The following GRK3 variants were observed in gnomAD, a reference collection of about 807,000 sequenced individuals.
The protein encoded by GRK3 is adrenergic, beta, receptor kinase 2.
Under a neutral mutation model 95.7 loss-of-function variants are expected in GRK3, and 54 were observed. The ratio of observed to expected loss-of-function variants is 0.56; its 90% CI spans 0.45 to 0.71. GRK3 has a LOEUF of 0.71. GRK3 is among the 30% of genes least tolerant of loss of function. The pLI is 0.00. For synonymous variants in GRK3, 281 were observed against 290.8 expected (o/e 0.97, Z 0.34); for missense variants, 649 against 851.2 (o/e 0.76, Z 2.96).
rs372369619 is a variant in GRK3 at position 25,722,435 on chromosome 22, C to A, written c.2052C>A (p.Asn684Lys). Residue 684 changes from asparagine (N) to lysine (K), a missense_variant, in exon 21 of 21, where the codon AAC (asparagine) becomes AAA (lysine). Asn to Lys is a moderately conservative substitution (Grantham distance 94). Transcript: ENST00000324198. Reference protein sequence around the residue: ...ELPKPSLCHRNSNGL With the variant: ...ELPKPSLCHRKSNGL The stretch of plus-strand genomic sequence containing the variant: ...CAAAGCCATCCCTCTGTCACAGAAA[C>A]AGCAACGGCCTCTAGCACCCAGAAA... 40 of 1,614,110 alleles carry A rather than the reference C, an allele frequency of 2.5e-5. No individual in the cohort carries two copies. Among genetic ancestry groups the A allele is most frequent in the Non-Finnish European group, 3.4e-5 (40 of 1,180,004 alleles).
In GRK3 at chr22:25,618,864, C is replaced by T. The variant is rs150458806; in HGVS notation, c.190+14411C>T. On this transcript the variant is annotated intron_variant, in intron 2 of 20. Coordinates refer to ENST00000324198, the MANE Select transcript of GRK3 (RefSeq NM_005160.4). The stretch of plus-strand genomic sequence containing the variant: ...GCAGTTGACCACTGTCCTAAGGTAC[C>T]TCTAGGCCAAGAGCCAGCTCATCCT... Among the ~76,000 whole-genome samples the T allele has an allele frequency of 6.3e-4, 96 of 152,164 alleles. 1 individual carries two copies. Among genetic ancestry groups the T allele is most frequent in the Admixed American group, 1.8e-3 (28 of 15,278 alleles).
intron 2 of GRK3, among the ~76,000 whole-genome samples, chr22:25,616,256 G>A (rs1227931083): frequency 1.3e-5 from 2 of 152,156 alleles, no homozygotes; most frequent in Admixed American, 1.3e-4. Flanking sequence ...AAGAAAAGAG[G>A]TTTAATTGAC....
At chr22:25,639,251 G>A (rs949952975) in intron 2 of GRK3, among the ~76,000 whole-genome samples, 13 of 152,060 alleles carry the variant, frequency 8.5e-5, no homozygotes, top group African/African-American at 3.1e-4. Flanking sequence ...CCCTGCCTAA[G>A]AAATCTTTTG....
chr22:25,632,832 C>G (rs79795779), intron 2 of GRK3, among the ~76,000 whole-genome samples: 2,163 of 151,646 alleles, frequency 0.014, 50 homozygotes, highest in African/African-American at 0.048. Context: ...GGACTGTATT[C>G]TTTTTCATTG....
chr22:25,622,968 G>C (rs796530989), intron 2 of GRK3, among the ~76,000 whole-genome samples: 6 of 152,212 alleles, frequency 3.9e-5, no homozygotes, highest in African/African-American at 1.4e-4. Flanking sequence ...TTGAGATAGG[G>C]TCTCACTCTG....
In GRK3 at chr22:25,728,148, A is replaced by G. The variant is rs2085489091; in HGVS notation, c.*5698A>G. ...GGCAGTCCTTCCTGTTCTTAATACA[A>G]TAAAATTGAAATAATGCACCTAGTA... On this transcript the variant is annotated 3_prime_UTR_variant, in exon 21 of 21. Transcript: ENST00000324198. 1 of 152,228 alleles carries G rather than the reference A, an allele frequency of 6.6e-6. No individual in the cohort carries two copies. Among genetic ancestry groups the G allele is most frequent in the African/African-American group, 2.4e-5 (1 of 41,448 alleles). 9.4% of individuals were successfully genotyped at this position (152,228 alleles called of 1,614,324 possible).
At position 25,674,674 on chromosome 22, in the gene GRK3, G is replaced by A. The variant is rs1318219257; in HGVS notation, c.647+146G>A. On this transcript the variant is annotated intron_variant, in intron 8 of 20. Transcript: ENST00000324198. ...CCAAAAGAAATAAGCTGTAGGCCGG[G>A]CGTGGTGGCTCACGCCTGTAACCCC... 2.4e-5 allele frequency: 16 copies of A among 668,250 alleles called. No individual in the cohort carries two copies. The East Asian group carries it at 4.2e-4, about 18-fold the overall frequency. 41.4% of individuals were successfully genotyped at this position (668,250 alleles called of 1,614,324 possible). A position where few individuals can be genotyped will look rare whatever the true frequency, so the allele number is the denominator to read the frequency against.
chr22:25,714,856 G>A (rs1281201583), intron 18 of GRK3, among the ~76,000 whole-genome samples: 1 of 152,124 alleles, frequency 6.6e-6, no homozygotes, highest in Non-Finnish European at 1.5e-5. Flanking sequence ...CTTCCAGATT[G>A]AGTATGACAG....
intron 2 of GRK3, among the ~76,000 whole-genome samples, chr22:25,608,469 G>A (rs1024303238): frequency 3.3e-5 from 5 of 152,170 alleles, no homozygotes; most frequent in African/African-American, 4.8e-5. Flanking sequence ...ATGATTGTCC[G>A]AGTGGGCTTA....
chr22:25,565,145 G>A lies in GRK3; in HGVS notation c.105G>A (p.Pro35=), dbSNP rs755120652. 3 of 1,520,760 alleles carry A rather than the reference G, an allele frequency of 2.0e-6. No individual in the cohort carries two copies. The highest frequency in any genetic ancestry group is 2.6e-6 in the Non-Finnish European group (3 of 1,135,980). 94.2% of individuals were successfully genotyped at this position (1,520,760 alleles called of 1,614,324 possible). Reference sequence around the variant, plus strand: ...GCGCCAGCAAGAGGATCGTCCTGCCGGAGCCCAGGTACCAGCTGCCCCGGC... The same window carrying A: ...GCGCCAGCAAGAGGATCGTCCTGCCAGAGCCCAGGTACCAGCTGCCCCGGC... The part of the protein sequence containing the change: ...AARASKRIVL[P]EPSIRSVMQK... Residue 35 remains proline, a synonymous_variant, in exon 1 of 21, where the codon CCG becomes CCA. Coordinates refer to ENST00000324198, the MANE Select transcript of GRK3 (RefSeq NM_005160.4).
intron 2 of GRK3, among the ~76,000 whole-genome samples, chr22:25,610,653 A>G (rs1467801854): frequency 5.3e-5 from 8 of 152,174 alleles, no homozygotes; most frequent in African/African-American, 1.9e-4. Context: ...CCTCAGCCCC[A>G]GACAAACACT....
At chr22:25,626,623 C>T (rs2084630201) in intron 2 of GRK3, among the ~76,000 whole-genome samples, 1 of 152,218 alleles carries the variant, frequency 6.6e-6, no homozygotes. Flanking sequence ...TTATTATATT[C>T]AGTTGGTTAT....
intron 2 of GRK3, among the ~76,000 whole-genome samples, chr22:25,610,125 A>G (rs1219898633): frequency 6.6e-6 from 1 of 152,088 alleles, no homozygotes; most frequent in Admixed American, 6.5e-5. Flanking sequence ...TGCTGGGATT[A>G]CAGGCGTGAG....
At chr22:25,590,782 C>T (rs536295900) in intron 1 of GRK3, among the ~76,000 whole-genome samples, 14 of 152,074 alleles carry the variant, frequency 9.2e-5, no homozygotes, top group East Asian at 1.9e-4. Flanking sequence ...TCCAGCCTAG[C>T]GACAGAGCGA....
At chr22:25,598,116 A>T (rs994450861) in intron 1 of GRK3, among the ~76,000 whole-genome samples, 1 of 152,244 alleles carries the variant, frequency 6.6e-6, no homozygotes. Flanking sequence ...ATATTATGAG[A>T]TTTAGAACAT....
chr22:25,718,707 T>C (rs1480373724), intron 19 of GRK3, among the ~76,000 whole-genome samples: 3 of 152,160 alleles, frequency 2.0e-5, no homozygotes, highest in African/African-American at 7.2e-5. Context: ...GACAGAGGTG[T>C]TCAGCTCCAC....
intron 8 of GRK3, among the ~76,000 whole-genome samples, chr22:25,676,174 AAC>A (rs1569189960): frequency 6.6e-6 from 1 of 151,984 alleles, no homozygotes; most frequent in Non-Finnish European, 1.5e-5. Flanking sequence ...GTTTCACTGA[AAC>A]ACAGTCCTCT....
At chr22:25,634,189 A>C (rs761946984) in intron 2 of GRK3, among the ~76,000 whole-genome samples, 12 of 152,202 alleles carry the variant, frequency 7.9e-5, no homozygotes, top group Non-Finnish European at 1.8e-4. Flanking sequence ...AACTTGAAAA[A>C]ATGTACTAAT....
intron 1 of GRK3, among the ~76,000 whole-genome samples, chr22:25,577,593 G>C (rs1036436404): frequency 6.6e-6 from 1 of 152,236 alleles, no homozygotes; most frequent in African/African-American, 2.4e-5. Flanking sequence ...GTTGAGCTCA[G>C]CTTGGGACAG....
Sources: allele counts gnomAD v4.1 joint callset (sites outside exome capture counted in the v4.1 genomes callset), GRCh38; gene constraint gnomAD v4.1.1; transcripts MANE v1.5; gene names NCBI Gene and HGNC (gene_info 2026-07-23, HGNC 2026-07-21).